Variants in CBFA2T2 observed in about 807,000 individuals in gnomAD.
CBFA2T2 encodes protein CBFA2T2.
A neutral mutation model predicts 62.2 loss-of-function variants in CBFA2T2; 11 were observed. That is an observed-to-expected ratio of 0.18 (90% CI 0.11 to 0.29). CBFA2T2 has a LOEUF of 0.29. Among genes scored for constraint, CBFA2T2 ranks in the 10% least tolerant of loss-of-function variants. CBFA2T2 has a pLI of 1.00. For synonymous variants in CBFA2T2, 295 were observed against 287.5 expected (o/e 1.03, Z -0.27); for missense variants, 592 against 774.1 (o/e 0.76, Z 2.79).
At chr20:33,581,202 G>A (rs2014097397) in intron 1 of CBFA2T2, among the ~76,000 whole-genome samples, 1 of 151,790 alleles carries the variant, frequency 6.6e-6, no homozygotes, top group South Asian at 2.1e-4. Flanking sequence ...GGGATTACAG[G>A]CACACGCCAC....
chr20:33,543,564 G>C (rs1215428936), intron 1 of CBFA2T2, among the ~76,000 whole-genome samples: 2 of 152,158 alleles, frequency 1.3e-5, no homozygotes, highest in Non-Finnish European at 2.9e-5. Flanking sequence ...CATGGAGAAG[G>C]CAACAGGAGC....
intron 1 of CBFA2T2, among the ~76,000 whole-genome samples, chr20:33,567,521 T>G (rs1473689465): frequency 2.0e-5 from 3 of 152,200 alleles, no homozygotes; most frequent in Admixed American, 2.0e-4. Context: ...ATTGTTATAA[T>G]TGTTATAATG....
At position 33,574,210 on chromosome 20, in the gene CBFA2T2, G is replaced by A. The variant is rs775819059; in HGVS notation, c.35-32746G>A. ...GCAGATCACCAGGTGAATGGCTAAAGAATCTGGAATAAGCTTGAAAGAAAT... is the reference window on the plus strand; with the variant it reads ...GCAGATCACCAGGTGAATGGCTAAAAAATCTGGAATAAGCTTGAAAGAAAT... On this transcript the variant is annotated intron_variant, in intron 1 of 10. Coordinates refer to ENST00000342704, the MANE Select transcript of CBFA2T2 (RefSeq NM_001032999.3). 12 of 1,613,400 alleles carry A rather than the reference G, an allele frequency of 7.4e-6. No individual in the cohort carries two copies. The highest frequency in any genetic ancestry group is 1.1e-5 in the South Asian group (1 of 91,072).
intron 1 of CBFA2T2, among the ~76,000 whole-genome samples, chr20:33,522,215 A>G (rs567779362): frequency 1.3e-5 from 2 of 152,324 alleles, no homozygotes; most frequent in South Asian, 2.1e-4. Context: ...GCTACAGAAA[A>G]TAAGTTATTC....
chr20:33,511,639 TAAATAGACA>T (rs1392101781), intron 1 of CBFA2T2, among the ~76,000 whole-genome samples: 12 of 152,280 alleles, frequency 7.9e-5, no homozygotes, highest in South Asian at 4.1e-4. Context: ...AACTTTTTAT[TAAATAGACA>T]AAATGCATAA....
At chr20:33,579,082 G>A (rs1010985851) in intron 1 of CBFA2T2, among the ~76,000 whole-genome samples, 4 of 149,846 alleles carry the variant, frequency 2.7e-5, no homozygotes, top group African/African-American at 9.8e-5. Context: ...AACCCAATGA[G>A]TGCCTTTTTG....
intron 1 of CBFA2T2, among the ~76,000 whole-genome samples, chr20:33,497,353 C>G (rs1247116683): frequency 6.8e-6 from 1 of 147,464 alleles, no homozygotes. Context: ...AGTTTTTGTT[C>G]CCTTTGGTTG....
At chr20:33,535,491 T>G (rs1163389716) in intron 1 of CBFA2T2, among the ~76,000 whole-genome samples, 1 of 150,452 alleles carries the variant, frequency 6.6e-6, no homozygotes, top group Non-Finnish European at 1.5e-5. Context: ...GTTGAACTGA[T>G]CTAGAAGATT....
chr20:33,531,452 T>G (rs1385899852), intron 1 of CBFA2T2, among the ~76,000 whole-genome samples: 2 of 152,196 alleles, frequency 1.3e-5, no homozygotes, highest in Admixed American at 6.5e-5. Context: ...GCATTTTTGT[T>G]GGATTATTGC....
intron 1 of CBFA2T2, among the ~76,000 whole-genome samples, chr20:33,544,333 T>G (rs1369049212): frequency 1.3e-5 from 2 of 152,142 alleles, no homozygotes; most frequent in Admixed American, 1.3e-4. Flanking sequence ...ACAATTCTTT[T>G]TTCACCTGTC....
chr20:33,582,455 T>C (rs1050097558), intron 1 of CBFA2T2, among the ~76,000 whole-genome samples: 2 of 151,752 alleles, frequency 1.3e-5, no homozygotes, highest in Non-Finnish European at 2.9e-5. Flanking sequence ...GCCATTGCAC[T>C]CCAGCCTGGG....
intron 5 of CBFA2T2, 112 bp downstream of exon 5, chr20:33,623,408 T>C (rs2016073502): frequency 2.4e-6 from 3 of 1,270,336 alleles, no homozygotes; most frequent in Admixed American, 4.1e-5. Context: ...TCAAACTTTT[T>C]TTGAGACAAG....
intron 1 of CBFA2T2, among the ~76,000 whole-genome samples, chr20:33,497,408 T>TA (rs1217744136): frequency 1.3e-5 from 2 of 152,078 alleles, no homozygotes; most frequent in Admixed American, 6.6e-5. Flanking sequence ...CCCAGGGTAT[T>TA]ACAGCTATCC....
chr20:33,494,243 G>GTATATATATATA (rs869164142), intron 1 of CBFA2T2, among the ~76,000 whole-genome samples: 9 of 30,320 alleles, frequency 3.0e-4, no homozygotes, highest in African/African-American at 9.7e-4. Flanking sequence ...ATATATATGT[G>GTATATATATATA]TATATATATA....
At chr20:33,494,248 TATATATATATATATATATATA>T (rs2011172412) in intron 1 of CBFA2T2, among the ~76,000 whole-genome samples, 1 of 18,434 alleles carries the variant, frequency 5.4e-5, no homozygotes, top group Non-Finnish European at 1.4e-4. Context: ...TATGTGTATA[TATATATATATATATATATATA>T]TATATTTTTT....
At chr20:33,597,378 T>C (rs6120319) in intron 1 of CBFA2T2, among the ~76,000 whole-genome samples, 2,994 of 152,322 alleles carry the variant, frequency 0.02, 108 homozygotes, top group African/African-American at 0.069. Context: ...AAATTCCTTA[T>C]TTAACTGCAT....
chr20:33,498,193 C>T (rs774312087), intron 1 of CBFA2T2, among the ~76,000 whole-genome samples: 6 of 151,262 alleles, frequency 4.0e-5, no homozygotes, highest in South Asian at 4.2e-4. Context: ...GGCCTCCCAA[C>T]GTGCTGGCAT....
intron 1 of CBFA2T2, among the ~76,000 whole-genome samples, chr20:33,503,367 G>C (rs1210075087): frequency 1.4e-5 from 2 of 145,422 alleles, no homozygotes; most frequent in African/African-American, 2.5e-5. Flanking sequence ...CGATTCTCCT[G>C]CCTCAGCCTC....
chr20:33,616,338 C>A (rs1284511415), intron 3 of CBFA2T2, among the ~76,000 whole-genome samples: 2 of 151,984 alleles, frequency 1.3e-5, no homozygotes, highest in Non-Finnish European at 2.9e-5. Flanking sequence ...TTATTATAAA[C>A]CAGGAGGATA....
Sources: gnomAD v4.1 joint callset for allele counts (sites outside exome capture counted in the v4.1 genomes callset) on GRCh38, gnomAD v4.1.1 for gene constraint, MANE v1.5 for transcripts, NCBI Gene and HGNC (gene_info 2026-07-23, HGNC 2026-07-21) for gene names.